The following ADAM32 variants were observed in gnomAD, a reference collection of about 807,000 sequenced individuals.
The protein encoded by ADAM32 is disintegrin and metalloproteinase domain-containing protein 32.
ADAM32 carries 89 observed loss-of-function variants against 114.9 expected under a neutral mutation model. The ratio of observed to expected loss-of-function variants is 0.77; its 90% CI spans 0.65 to 0.92. ADAM32 has a LOEUF of 0.92. Ranked by LOEUF, ADAM32 falls within the 40% of genes least tolerant of loss-of-function variation. The pLI, the probability that ADAM32 is intolerant of heterozygous loss-of-function variation, is 0.00. For synonymous variants in ADAM32, 285 were observed against 307.5 expected (o/e 0.93, Z 0.77); for missense variants, 870 against 932.8 (o/e 0.93, Z 0.88).
intron 22 of ADAM32, among the ~76,000 whole-genome samples, chr8:39,280,542 A>G (rs1183418417): frequency 6.6e-6 from 1 of 152,176 alleles, no homozygotes; most frequent in Non-Finnish European, 1.5e-5. Flanking sequence ...TTAACTTCGA[A>G]GTAATTTGAA....
At chr8:39,227,076 TC>T (rs1321364312) in intron 14 of ADAM32, among the ~76,000 whole-genome samples, 1 of 152,030 alleles carries the variant, frequency 6.6e-6, no homozygotes, top group Non-Finnish European at 1.5e-5. Flanking sequence ...GAATTTTAGC[TC>T]CAAATCAACT....
chr8:39,283,926 G>A (rs957596476), intron 24 of ADAM32, among the ~76,000 whole-genome samples: 8 of 151,850 alleles, frequency 5.3e-5, no homozygotes, highest in South Asian at 2.1e-4. Context: ...GGCGTGTGCC[G>A]CCATGCCCGC....
intron 2 of ADAM32, among the ~76,000 whole-genome samples, chr8:39,123,039 G>A (rs543338127): frequency 3.3e-5 from 5 of 152,262 alleles, no homozygotes; most frequent in Admixed American, 2.0e-4. Flanking sequence ...TATGGTGTGA[G>A]GTCAGGATAT....
In ADAM32 at chr8:39,148,191, A is replaced by C. The variant is rs367544473; in HGVS notation, c.276+986A>C. Among the ~76,000 whole-genome samples, 444 of 152,280 alleles carry C rather than the reference A, an allele frequency of 2.9e-3. 5 individuals carry two copies. Among genetic ancestry groups the C allele is most frequent in the African/African-American group, 0.01 (423 of 41,556 alleles). ...TGGCTTCCCACCACTTACAGAGTGA[A>C]AGCCAGAGTCACCTGGTTCCCTTTT... On this transcript the variant is annotated intron_variant, in intron 4 of 24. Transcript: ENST00000379907.
chr8:39,224,382 T>G (rs1348061931), intron 14 of ADAM32, among the ~76,000 whole-genome samples: 1 of 152,234 alleles, frequency 6.6e-6, no homozygotes, highest in African/African-American at 2.4e-5. Flanking sequence ...CCAACTTATA[T>G]TCCCACTGAC....
intron 3 of ADAM32, among the ~76,000 whole-genome samples, chr8:39,139,099 C>T (rs924978122): frequency 6.6e-6 from 1 of 152,102 alleles, no homozygotes; most frequent in Non-Finnish European, 1.5e-5. Context: ...GGGTAGATTG[C>T]AAAGATTTTC....
At chr8:39,282,538 T>G (rs1813485872) in intron 23 of ADAM32, among the ~76,000 whole-genome samples, 1 of 152,262 alleles carries the variant, frequency 6.6e-6, no homozygotes, top group Admixed American at 6.5e-5. Flanking sequence ...CCCATTATTC[T>G]AACTTTGTGT....
chr8:39,129,800 C>A, intron 2 of ADAM32: 1 of 302,692 alleles, frequency 3.3e-6, no homozygotes, highest in Non-Finnish European at 6.7e-6. Context: ...TGCACCTTGG[C>A]CTTTCTTTTT....
In ADAM32 at chr8:39,232,181, AT is replaced by A. The variant is rs531209583; in HGVS notation, c.1634+51del. The A allele has an allele frequency of 4.2e-3, 6,284 of 1,487,852 alleles. 29 individuals carry two copies. Among genetic ancestry groups the A allele is most frequent in the Middle Eastern group, 0.019 (93 of 4,956 alleles). The allele number at this position is 1,487,852 out of a possible 1,614,324, so 92.2% of individuals were successfully genotyped here. A position where few individuals can be genotyped will look rare whatever the true frequency, so the allele number is the denominator to read the frequency against. ...TGATACTTTTCTTATATTCTATTAG[AT>A]TTTTAAAAACTTTGCCCCCTTCTGT... On this transcript the variant is annotated intron_variant, in intron 15 of 24. Transcript: ENST00000379907.
rs758539385 is a variant in ADAM32 at position 39,246,116 on chromosome 8, A to C, written c.1852A>C (p.Ile618Leu). Residue 618 changes from isoleucine (I) to leucine (L), a missense_variant, in exon 17 of 25, where the codon ATA becomes CTA. Transcript: ENST00000379907. ...AAATCGTGAATGTGTAGAATCAAGG[A>C]TAATTAAGGCTTCAGCACATGTTTG... ...CVNRECVESRIIKASAHVCSQ... is the reference protein window; with the variant it reads ...CVNRECVESRLIKASAHVCSQ... 3.1e-6 allele frequency: 5 copies of C among 1,613,528 alleles called. No individual in the cohort carries two copies. Among genetic ancestry groups the C allele is most frequent in the Non-Finnish European group, 4.2e-6 (5 of 1,179,646 alleles).
intron 14 of ADAM32, chr8:39,224,010 G>C (rs1809172382): frequency 6.6e-6 from 1 of 152,128 alleles, no homozygotes; most frequent in Middle Eastern, 3.4e-3. Flanking sequence ...ATTGCATTTT[G>C]TGTGTTTGTG....
chr8:39,250,455 G>T (rs1166337037), intron 17 of ADAM32, among the ~76,000 whole-genome samples: 1 of 151,728 alleles, frequency 6.6e-6, no homozygotes, highest in Non-Finnish European at 1.5e-5. Context: ...TTATCTGTCT[G>T]CCTACACTGC....
At chr8:39,199,751 C>G (rs1271963016) in intron 11 of ADAM32, among the ~76,000 whole-genome samples, 1 of 151,942 alleles carries the variant, frequency 6.6e-6, no homozygotes, top group African/African-American at 2.4e-5. Context: ...AGGTATATCT[C>G]CTAATGCTAT....
chr8:39,281,938 G>A (rs900009902), intron 23 of ADAM32, among the ~76,000 whole-genome samples: 1 of 152,106 alleles, frequency 6.6e-6, no homozygotes, highest in African/African-American at 2.4e-5. Context: ...TATATGGTTT[G>A]TATTTTCCCC....
Position 39,155,740 on chromosome 8 carries a change from C to CT in ADAM32, c.525+4199dup, listed in dbSNP as rs1477739670. 3.3e-5 allele frequency among the ~76,000 whole-genome samples: 5 copies of CT among 152,158 alleles called. No homozygotes were observed. The South Asian group carries it at 6.2e-4, about 19-fold the overall frequency. On this transcript the variant is annotated intron_variant, in intron 6 of 24. Coordinates refer to ENST00000379907, the MANE Select transcript of ADAM32 (RefSeq NM_145004.7). ...TAATCGTTTTCTATATGTCTTCTAT[C>CT]TTTTTTTGTCTCTATTTCTCTATTA...
At chr8:39,151,889 C>T (rs1020290252) in intron 6 of ADAM32, among the ~76,000 whole-genome samples, 1 of 151,862 alleles carries the variant, frequency 6.6e-6, no homozygotes, top group South Asian at 2.1e-4. Context: ...TCTCAAACTC[C>T]TAGGTTCAAA....
At chr8:39,231,377 A>G (rs1809723132) in intron 14 of ADAM32, among the ~76,000 whole-genome samples, 1 of 2,744 alleles carries the variant, frequency 3.6e-4, no homozygotes, top group African/African-American at 7.6e-4. Flanking sequence ...TGACCTCTGA[A>G]GGTAAACCTC....
At chr8:39,110,358 G>A (rs1416477767) in intron 1 of ADAM32, among the ~76,000 whole-genome samples, 4 of 152,216 alleles carry the variant, frequency 2.6e-5, no homozygotes, top group Non-Finnish European at 2.9e-5. Flanking sequence ...GGCATGAGCC[G>A]CTGCACCCGG....
intron 2 of ADAM32, chr8:39,129,953 T>TA: frequency 2.8e-6 from 1 of 355,808 alleles, no homozygotes; most frequent in Non-Finnish European, 5.4e-6. Context: ...ACATCACATT[T>TA]CCTTTTTTTT....
Sources: gnomAD v4.1 joint callset for allele counts (sites outside exome capture counted in the v4.1 genomes callset) on GRCh38, gnomAD v4.1.1 for gene constraint, MANE v1.5 for transcripts, NCBI Gene and HGNC (gene_info 2026-07-23, HGNC 2026-07-21) for gene names.